Variants in GRM8 observed in about 807,000 individuals in gnomAD.
The protein encoded by GRM8 is glutamate metabotropic receptor 8.
GRM8 carries 47 observed loss-of-function variants against 87.2 expected under a neutral mutation model. The ratio of observed to expected loss-of-function variants is 0.54; its 90% confidence interval spans 0.43 to 0.69. The LOEUF (loss-of-function observed/expected upper bound fraction) is 0.69, where lower values mean the gene tolerates loss of function less well. GRM8 is among the 30% of genes least tolerant of loss of function. GRM8 has a pLI of 0.00. For missense variants in GRM8, 1,019 were observed against 1,139.2 expected (o/e 0.89, Z 1.52); for synonymous variants, 396 against 404.5 (o/e 0.98, Z 0.25).
intron 7 of GRM8, among the ~76,000 whole-genome samples, chr7:126,724,093 G>A (rs1460766138): frequency 3.9e-5 from 6 of 152,020 alleles, no homozygotes; most frequent in East Asian, 1.9e-4. Flanking sequence ...TGGAGATATC[G>A]TGATTCACTT....
chr7:127,142,685 A>AGATG (rs1177275125), intron 2 of GRM8, among the ~76,000 whole-genome samples: 1 of 152,162 alleles, frequency 6.6e-6, no homozygotes, highest in African/African-American at 2.4e-5. Context: ...ATGCATGGAT[A>AGATG]GATGGATGGA....
chr7:126,770,018 C>T lies in GRM8; in HGVS notation c.1204G>A (p.Val402Ile). The T allele has an allele frequency of 2.5e-6, 4 of 1,612,864 alleles. No individual in the cohort carries two copies. Among genetic ancestry groups the T allele is most frequent in the Non-Finnish European group, 3.4e-6 (4 of 1,179,258 alleles). Residue 402 changes from valine to isoleucine, a missense_variant, in exon 7 of 11, where the codon GTC becomes ATC. Physicochemically the swap from Val to Ile is conservative, Grantham distance 29. Transcript: ENST00000339582. Reference sequence around the variant, plus strand: ...TATACAGCATCAATTACAAATTGGACCTTTCCTTCCTGTTCATAAGATGAA... The same window carrying T: ...TATACAGCATCAATTACAAATTGGATCTTTCCTTCCTGTTCATAAGATGAA... The part of the protein sequence containing the change: ...RDSSYEQEGK[V>I]QFVIDAVYSM...
At chr7:126,799,933 T>C (rs1822464854) in intron 6 of GRM8, among the ~76,000 whole-genome samples, 1 of 151,980 alleles carries the variant, frequency 6.6e-6, no homozygotes, top group South Asian at 2.1e-4. Flanking sequence ...TCCAGTAATC[T>C]CCTCCTTCTC....
chr7:126,530,643 TTGTC>T (rs1814655909), intron 9 of GRM8, among the ~76,000 whole-genome samples: 1 of 152,218 alleles, frequency 6.6e-6, no homozygotes, highest in Admixed American at 6.5e-5. Context: ...ATGGGGCTGA[TTGTC>T]TGAACAGTAC....
intron 3 of GRM8, among the ~76,000 whole-genome samples, chr7:127,099,456 G>T (rs575273081): frequency 6.6e-6 from 1 of 152,338 alleles, no homozygotes; most frequent in South Asian, 2.1e-4. Flanking sequence ...ACACACCTAT[G>T]TTGGCAGTGT....
At chr7:126,507,275 C>T (rs1021695102) in intron 9 of GRM8, among the ~76,000 whole-genome samples, 2 of 152,112 alleles carry the variant, frequency 1.3e-5, no homozygotes, top group Admixed American at 6.6e-5. Flanking sequence ...CAAATCCCAG[C>T]TCTGTCACTC....
chr7:127,199,490 C>A (rs780181068), intron 2 of GRM8, among the ~76,000 whole-genome samples: 50 of 152,182 alleles, frequency 3.3e-4, no homozygotes, highest in Non-Finnish European at 7.1e-4. Context: ...AGAAGCAAGG[C>A]CTTTTCAAAT....
chr7:127,198,568 A>G (rs1795414637), intron 2 of GRM8, among the ~76,000 whole-genome samples: 1 of 152,002 alleles, frequency 6.6e-6, no homozygotes, highest in Non-Finnish European at 1.5e-5. Context: ...TTTCATTGAG[A>G]GATGTTTTGT....
chr7:126,979,438 A>G (rs1391638186), intron 3 of GRM8, among the ~76,000 whole-genome samples: 1 of 152,230 alleles, frequency 6.6e-6, no homozygotes, highest in Admixed American at 6.5e-5. Context: ...AGTATCTGCT[A>G]TACTTACAGT....
intron 8 of GRM8, among the ~76,000 whole-genome samples, chr7:126,600,765 G>C (rs1184804899): frequency 6.6e-6 from 1 of 152,016 alleles, no homozygotes; most frequent in Non-Finnish European, 1.5e-5. Flanking sequence ...CTTTTATCTT[G>C]TTATTTTATA....
At chr7:126,562,820 C>A (rs1793850041) in intron 8 of GRM8, among the ~76,000 whole-genome samples, 1 of 152,110 alleles carries the variant, frequency 6.6e-6, no homozygotes, top group African/African-American at 2.4e-5. Flanking sequence ...CCGCTTGAAC[C>A]CAGGAGGCAG....
intron 6 of GRM8, among the ~76,000 whole-genome samples, chr7:126,773,037 A>G (rs1819020459): frequency 6.6e-6 from 1 of 152,110 alleles, no homozygotes; most frequent in Non-Finnish European, 1.5e-5. Flanking sequence ...AATAGAAAGC[A>G]GTAGGAAGAA....
rs563779742 is a variant in GRM8, at chr7:127,015,218, A to G, written c.727+91278T>C. ...GAAGAAGAAGAAGAAGAAGAAGAAG[A>G]AGAAGAAGAAGAAGAAGAAGAAGAA... On this transcript the variant is annotated intron_variant, in intron 3 of 10. Transcript: ENST00000339582. Among the ~76,000 whole-genome samples the G allele has an allele frequency of 2.3e-4, 31 of 137,386 alleles. 1 individual carries two copies. Among genetic ancestry groups the G allele is most frequent in the African/African-American group, 6.8e-4 (24 of 35,322 alleles). The allele number at this position is 137,386 out of a possible 152,430, so 90.1% of individuals were successfully genotyped here.
At chr7:127,000,304 A>G (rs1813602342) in intron 3 of GRM8, among the ~76,000 whole-genome samples, 1 of 151,692 alleles carries the variant, frequency 6.6e-6, no homozygotes, top group Non-Finnish European at 1.5e-5. Context: ...AAAAATAATT[A>G]GAAACAATGA....
At chr7:126,573,999 T>A (rs1794905873) in intron 8 of GRM8, among the ~76,000 whole-genome samples, 1 of 152,248 alleles carries the variant, frequency 6.6e-6, no homozygotes, top group South Asian at 2.1e-4. Context: ...TCAAAAAGGT[T>A]GCCTCTCTAA....
At chr7:126,847,868 G>T (rs558137211) in intron 6 of GRM8, among the ~76,000 whole-genome samples, 1 of 152,114 alleles carries the variant, frequency 6.6e-6, no homozygotes, top group African/African-American at 2.4e-5. Flanking sequence ...ATATATTGGT[G>T]GATCCACTTT....
intron 6 of GRM8, among the ~76,000 whole-genome samples, chr7:126,796,927 T>C (rs751520638): frequency 2.0e-5 from 3 of 152,106 alleles, no homozygotes; most frequent in East Asian, 3.8e-4. Flanking sequence ...GATAAATAAA[T>C]GTGGGTTGCG....
At chr7:127,208,643 G>A (rs945931942) in intron 2 of GRM8, among the ~76,000 whole-genome samples, 3 of 152,154 alleles carry the variant, frequency 2.0e-5, no homozygotes, top group African/African-American at 7.2e-5. Flanking sequence ...ATCCTCTTGG[G>A]AGGCAGACCA....
At chr7:126,885,764 C>T (rs1466042273) in intron 6 of GRM8, among the ~76,000 whole-genome samples, 1 of 152,110 alleles carries the variant, frequency 6.6e-6, no homozygotes, top group East Asian at 1.9e-4. Flanking sequence ...GTTTCAAACC[C>T]TCCAGGGGTG....
Sources: allele counts gnomAD v4.1 joint callset (sites outside exome capture counted in the v4.1 genomes callset), GRCh38; gene constraint gnomAD v4.1.1; transcripts MANE v1.5; gene names NCBI Gene and HGNC (gene_info 2026-07-23, HGNC 2026-07-21).